ADGRG1: variants seen among roughly 807,000 people sequenced by gnomAD.
ADGRG1 encodes adhesion G protein-coupled receptor G1.
A neutral mutation model predicts 73.5 loss-of-function variants in ADGRG1; 53 were observed. That is an observed-to-expected ratio of 0.72 (90% CI 0.58 to 0.91). The LOEUF is 0.91. ADGRG1 is among the 40% of genes least tolerant of loss of function. The pLI, the probability that ADGRG1 is intolerant of heterozygous loss-of-function variation, is 0.00. For missense variants in ADGRG1, 795 were observed against 871.8 expected (o/e 0.91, Z 1.11); for synonymous variants, 394 against 374.4 (o/e 1.05, Z -0.60).
upstream of ADGRG1, chr16:57,628,533 T>A: frequency 1.0e-6 from 1 of 985,498 alleles, no homozygotes; most frequent in Non-Finnish European, 1.2e-6. Context: ...ACATATATCG[T>A]CCGTCATCCC....
intron 1 of ADGRG1, chr16:57,641,987 A>G: frequency 1.7e-6 from 1 of 591,246 alleles, no homozygotes; most frequent in African/African-American, 2.0e-5. Flanking sequence ...TCCTGGGCTC[A>G]AGCAATTCTC....
chr16:57,632,844 A>T, intron 1 of ADGRG1: 1 of 985,340 alleles, frequency 1.0e-6, no homozygotes, highest in Non-Finnish European at 1.2e-6. Flanking sequence ...CGGTGGGGAG[A>T]TGGCCTTGCT....
upstream of ADGRG1, among the ~76,000 whole-genome samples, chr16:57,625,003 C>T (rs1040622257): frequency 3.3e-5 from 5 of 152,028 alleles, no homozygotes; most frequent in South Asian, 2.1e-4. Context: ...TCCAGCTGGC[C>T]GGCTGGGAGT....
rs776994580 is a variant in ADGRG1, at chr16:57,659,397, T to C, written c.1287-16T>C. On this transcript the variant is annotated splice_polypyrimidine_tract_variant and intron_variant, in intron 10 of 13. Transcript: ENST00000562631. Reference sequence around the variant, plus strand: ...ACCTTCCCACACTGGCCCACCAGGGTGCCCCTGCCGTGCAGGAGGAAACCT... The same window carrying C: ...ACCTTCCCACACTGGCCCACCAGGGCGCCCCTGCCGTGCAGGAGGAAACCT... The C allele has an allele frequency of 1.2e-6, 2 of 1,613,382 alleles. No homozygotes were observed. The highest frequency in any genetic ancestry group is 1.7e-6 in the Non-Finnish European group (2 of 1,179,944).
chr16:57,656,204 C>T (rs1567787498), intron 7 of ADGRG1, 22 bp from the exon 8 acceptor site: 2 of 1,613,750 alleles, frequency 1.2e-6, no homozygotes, highest in South Asian at 2.2e-5. Flanking sequence ...ACAGAAACCA[C>T]TCTCCTTTCT....
intron 1 of ADGRG1, chr16:57,632,254 C>T: frequency 1.0e-6 from 1 of 985,442 alleles, no homozygotes; most frequent in Non-Finnish European, 1.2e-6. Flanking sequence ...CCTGCCACTG[C>T]CAAATCCACG....
chr16:57,661,347 C>G (rs2047040277), intron 12 of ADGRG1: 1 of 985,128 alleles, frequency 1.0e-6, no homozygotes, highest in African/African-American at 1.7e-5. Flanking sequence ...GCGGCCCTGC[C>G]TGTGGATCCC....
chr16:57,655,027 C>G lies in ADGRG1; in HGVS notation c.769-372C>G, dbSNP rs181450341. On this transcript the variant is annotated intron_variant, in intron 5 of 13. Coordinates refer to ENST00000562631, the MANE Select transcript of ADGRG1 (RefSeq NM_201525.4). ...GAGCCACTGCACCCAGCCACACACCCCATCTTGAGACTGCCCCCTGAGTGG... is the reference window on the plus strand; with the variant it reads ...GAGCCACTGCACCCAGCCACACACCGCATCTTGAGACTGCCCCCTGAGTGG... 761 of 982,938 alleles carry G rather than the reference C, an allele frequency of 7.7e-4. 5 individuals are homozygous for G. In the African/African-American group the frequency reaches 0.012, roughly 16 times the overall value. 60.9% of individuals were successfully genotyped at this position (982,938 alleles called of 1,614,324 possible). A position where few individuals can be genotyped will look rare whatever the true frequency, so the allele number is the denominator to read the frequency against.
At chr16:57,650,752 A>G (rs1287517777) in intron 2 of ADGRG1, among the ~76,000 whole-genome samples, 1 of 120,592 alleles carries the variant, frequency 8.3e-6, no homozygotes, top group African/African-American at 3.4e-5. Context: ...TCTGTCGCCC[A>G]GGCTGGAGTG....
upstream of ADGRG1, chr16:57,623,167 A>G: frequency 1.0e-6 from 1 of 979,434 alleles, no homozygotes; most frequent in Non-Finnish European, 1.2e-6. Flanking sequence ...GTGGGGGAAA[A>G]TGCAAGTCAC....
intron 11 of ADGRG1, 117 bp from the exon 12 acceptor site, chr16:57,660,651 G>A: frequency 6.6e-7 from 1 of 1,524,100 alleles, no homozygotes; most frequent in South Asian, 1.2e-5. Flanking sequence ...GGGGCTGGGT[G>A]GGCTTCAGGA....
Position 57,663,676 on chromosome 16 carries a change from C to A in ADGRG1, c.*94C>A. 7.1e-7 allele frequency: 1 copy of A among 1,409,686 alleles called. No homozygotes were observed. Among genetic ancestry groups the A allele is most frequent in the Non-Finnish European group, 9.9e-7 (1 of 1,010,190 alleles). 87.3% of individuals were successfully genotyped at this position (1,409,686 alleles called of 1,614,324 possible). A position where few individuals can be genotyped will look rare whatever the true frequency, so the allele number is the denominator to read the frequency against. ...GAGCCCGGCCCAGCCCCAGGCCAGT[C>A]AGCCGCAGACTTTGGAAAGCCCAAC... On this transcript the variant is annotated 3_prime_UTR_variant, in exon 14 of 14. Coordinates refer to ENST00000562631, the MANE Select transcript of ADGRG1 (RefSeq NM_201525.4).
chr16:57,646,999 A>G (rs1816889622), intron 1 of ADGRG1: 1 of 965,994 alleles, frequency 1.0e-6, no homozygotes, highest in Non-Finnish European at 1.2e-6. Flanking sequence ...CTGCGGCTCC[A>G]GAGGCAGAGA....
At chr16:57,654,706 C>T (rs1290067617) in intron 5 of ADGRG1, among the ~76,000 whole-genome samples, 1 of 151,980 alleles carries the variant, frequency 6.6e-6, no homozygotes, top group African/African-American at 2.4e-5. Flanking sequence ...ATGGTGAAAC[C>T]CTGTCTCTAC....
chr16:57,645,149 A>G (rs1384094255), intron 1 of ADGRG1: 2 of 985,312 alleles, frequency 2.0e-6, no homozygotes, highest in East Asian at 1.1e-4. Context: ...TTGCTTCCAA[A>G]GGCTCAGCAG....
At chr16:57,640,460 A>C (rs1304281672) in intron 1 of ADGRG1, among the ~76,000 whole-genome samples, 2 of 152,210 alleles carry the variant, frequency 1.3e-5, no homozygotes, top group Non-Finnish European at 2.9e-5. Flanking sequence ...GAGGAAGCTT[A>C]AATGCGTGAA....
chr16:57,635,057 AC>A (rs1293883747), intron 1 of ADGRG1: 1 of 985,194 alleles, frequency 1.0e-6, no homozygotes, highest in Non-Finnish European at 1.2e-6. Context: ...GCTGAAGAGG[AC>A]TGGAGTGAAC....
chr16:57,653,946 C>G, intron 4 of ADGRG1, 40 bp from the exon 5 acceptor site: 1 of 1,612,814 alleles, frequency 6.2e-7, no homozygotes, highest in Admixed American at 1.7e-5. Flanking sequence ...GTGGCCCGGC[C>G]CCCTCCCCAC....
intron 9 of ADGRG1, among the ~76,000 whole-genome samples, chr16:57,656,887 G>A (rs2045875071): frequency 6.6e-6 from 1 of 152,112 alleles, no homozygotes; most frequent in African/African-American, 2.4e-5. Context: ...CAGATTCCTG[G>A]CCCTCACCTA....
Sources: gnomAD v4.1 joint callset for allele counts (sites outside exome capture counted in the v4.1 genomes callset) on GRCh38, gnomAD v4.1.1 for gene constraint, MANE v1.5 for transcripts, NCBI Gene and HGNC (gene_info 2026-07-23, HGNC 2026-07-21) for gene names.